Variants in PTPRN2 observed in about 807,000 individuals in gnomAD.
The protein encoded by PTPRN2 is protein tyrosine phosphatase receptor type N2.
A neutral mutation model predicts 118.8 loss-of-function variants in PTPRN2; 74 were observed. That is an observed-to-expected ratio of 0.62 (90% CI 0.52 to 0.76). PTPRN2 has a LOEUF of 0.76. Ranked by LOEUF, PTPRN2 falls within the 30% of genes least tolerant of loss-of-function variation. The probability of loss-of-function intolerance (pLI) is 0.00; values close to 1 mark genes in which losing one functional copy is unlikely to be tolerated. For missense variants in PTPRN2, 1,481 were observed against 1,394.4 expected (o/e 1.06, Z -0.99); for synonymous variants, 641 against 608.0 (o/e 1.05, Z -0.80).
chr7:158,262,744 C>T (rs955330263), intron 3 of PTPRN2, among the ~76,000 whole-genome samples: 3 of 148,786 alleles, frequency 2.0e-5, no homozygotes, highest in African/African-American at 7.4e-5. Flanking sequence ...TCACACACTG[C>T]ACATATACAC....
At chr7:158,169,238 G>C (rs555694948) in intron 5 of PTPRN2, among the ~76,000 whole-genome samples, 3 of 152,218 alleles carry the variant, frequency 2.0e-5, no homozygotes, top group African/African-American at 7.2e-5. Context: ...GGTTGGGGTT[G>C]TTTGGTTTTT....
intron 12 of PTPRN2, among the ~76,000 whole-genome samples, chr7:157,725,091 TG>T (rs1215538210): frequency 3.9e-5 from 6 of 152,202 alleles, no homozygotes; most frequent in Non-Finnish European, 8.8e-5. Context: ...AAAAAACCTG[TG>T]GGGGAAAGGA....
chr7:158,548,664 TC>T (rs1826446382), intron 1 of PTPRN2, among the ~76,000 whole-genome samples: 1 of 152,206 alleles, frequency 6.6e-6, no homozygotes, highest in Non-Finnish European at 1.5e-5. Flanking sequence ...GGTGTTTTCT[TC>T]CTTTTCATCA....
chr7:158,340,458 G>A (rs1277504533), intron 2 of PTPRN2, among the ~76,000 whole-genome samples: 10 of 96,874 alleles, frequency 1.0e-4, no homozygotes, highest in East Asian at 3.4e-4. Context: ...ACCCGCAGAC[G>A]TCACTCACAT....
chr7:157,891,480 C>G (rs1452040877), intron 12 of PTPRN2, among the ~76,000 whole-genome samples: 1 of 140,534 alleles, frequency 7.1e-6, no homozygotes, highest in Admixed American at 7.5e-5. Flanking sequence ...CGGATTCCCA[C>G]AGCCCCCCAC....
intron 14 of PTPRN2, among the ~76,000 whole-genome samples, chr7:157,625,723 GAA>G (rs1016133513): frequency 6.6e-6 from 1 of 151,794 alleles, no homozygotes; most frequent in African/African-American, 2.4e-5. Flanking sequence ...CCAATAAATG[GAA>G]AAAAATCATA....
intron 6 of PTPRN2, among the ~76,000 whole-genome samples, chr7:158,149,973 C>T (rs1013545845): frequency 6.6e-6 from 1 of 152,098 alleles, no homozygotes; most frequent in African/African-American, 2.4e-5. Flanking sequence ...GTAAGCAACA[C>T]AATTCTTTGC....
chr7:157,749,412 T>C (rs1434062113), intron 12 of PTPRN2, among the ~76,000 whole-genome samples: 5 of 145,564 alleles, frequency 3.4e-5, no homozygotes, highest in African/African-American at 1.3e-4. Context: ...CGGGTGATTC[T>C]GAGGCCTGCG....
chr7:158,202,373 G>A (rs1385288173), intron 4 of PTPRN2, among the ~76,000 whole-genome samples: 5 of 152,290 alleles, frequency 3.3e-5, no homozygotes, highest in Non-Finnish European at 5.9e-5. Context: ...TCGGGCATGA[G>A]GAAGGCACCG....
chr7:158,092,178 A>T (rs1413627287), intron 10 of PTPRN2, among the ~76,000 whole-genome samples: 1 of 151,326 alleles, frequency 6.6e-6, no homozygotes, highest in Non-Finnish European at 1.5e-5. Context: ...GCAGAGATAT[A>T]TATACACATA....
At chr7:158,432,704 C>T (rs577000506) in intron 2 of PTPRN2, among the ~76,000 whole-genome samples, 1 of 152,210 alleles carries the variant, frequency 6.6e-6, no homozygotes, top group African/African-American at 2.4e-5. Context: ...CAGCTTGGTG[C>T]TGCCTGAAGA....
rs560814680 is a variant in PTPRN2 at position 158,201,033 on chromosome 7, T to A, written c.380+4138A>T. On this transcript the variant is annotated intron_variant, in intron 4 of 22. Transcript: ENST00000389418. Reference sequence around the variant, plus strand: ...AAGAGATAATTCTTTTTAAAAATCATGTTACAAGGGTGAAAAAAAAGTGGT... The same window carrying A: ...AAGAGATAATTCTTTTTAAAAATCAAGTTACAAGGGTGAAAAAAAAGTGGT... 4.4e-4 allele frequency among the ~76,000 whole-genome samples: 66 copies of A among 150,388 alleles called. 1 individual carries two copies. The South Asian group carries it at 0.013, about 29-fold the overall frequency.
chr7:157,745,080 C>T (rs1796266), intron 12 of PTPRN2, among the ~76,000 whole-genome samples: 7,794 of 152,252 alleles, frequency 0.051, 502 homozygotes, highest in Admixed American at 0.17. Context: ...GGTTGGGTCA[C>T]GATGCTCCCC....
intron 2 of PTPRN2, among the ~76,000 whole-genome samples, chr7:158,323,471 G>A (rs545112896): frequency 6.2e-4 from 94 of 152,330 alleles, no homozygotes; most frequent in Middle Eastern, 3.4e-3. Context: ...GCAGAGCAGC[G>A]GATGAACAGG....
At chr7:158,105,742 A>G (rs1052164480) in intron 10 of PTPRN2, among the ~76,000 whole-genome samples, 29 of 151,522 alleles carry the variant, frequency 1.9e-4, no homozygotes, top group African/African-American at 7.0e-4. Context: ...ATCCATCTCC[A>G]TTGTATCTCC....
At chr7:158,169,125 G>T (rs1823291731) in intron 5 of PTPRN2, among the ~76,000 whole-genome samples, 1 of 152,184 alleles carries the variant, frequency 6.6e-6, no homozygotes, top group Non-Finnish European at 1.5e-5. Flanking sequence ...GTAAGGTAAG[G>T]GGGTCCAGCT....
intron 15 of PTPRN2, among the ~76,000 whole-genome samples, chr7:157,605,334 T>C (rs1255314120): frequency 1.3e-5 from 2 of 152,356 alleles, no homozygotes; most frequent in Admixed American, 6.5e-5. Context: ...CTGAGGAACA[T>C]GGTAGCTCCT....
intron 12 of PTPRN2, among the ~76,000 whole-genome samples, chr7:157,736,052 G>A (rs756237120): frequency 2.0e-5 from 3 of 152,222 alleles, no homozygotes; most frequent in African/African-American, 7.2e-5. Context: ...CCCTGGAGCA[G>A]AGCATGTGTC....
chr7:158,043,849 C>A (rs1808650007), intron 11 of PTPRN2, among the ~76,000 whole-genome samples: 1 of 152,212 alleles, frequency 6.6e-6, no homozygotes, highest in Non-Finnish European at 1.5e-5. Context: ...AGCGCACAGA[C>A]CATCCTGCAC....
Sources: allele counts gnomAD v4.1 joint callset (sites outside exome capture counted in the v4.1 genomes callset), GRCh38; gene constraint gnomAD v4.1.1; transcripts MANE v1.5; gene names NCBI Gene and HGNC (gene_info 2026-07-23, HGNC 2026-07-21).